The following CDKL3 variants were observed in gnomAD, a reference collection of about 807,000 sequenced individuals.
CDKL3 encodes the protein cyclin dependent kinase like 3.
Under a neutral mutation model 69.3 loss-of-function variants are expected in CDKL3, and 65 were observed. The observed-to-expected ratio is 0.94, with a 90% CI of 0.77 to 1.15. The LOEUF is 1.15. Ranked by LOEUF, CDKL3 falls within the 50% of genes most tolerant of loss-of-function variation. CDKL3 has a pLI of 0.00. For missense variants in CDKL3, 652 were observed against 689.2 expected (o/e 0.95, Z 0.61); for synonymous variants, 202 against 221.6 (o/e 0.91, Z 0.79).
At chr5:134,302,708 A>G in intron 11 of CDKL3, 21 bp from the exon 12 acceptor site, 1 of 1,300,568 alleles carries the variant, frequency 7.7e-7, no homozygotes, top group Non-Finnish European at 1.1e-6. Context: ...AATATACAAA[A>G]CAATGAAAAT....
chr5:134,296,241 C>T (rs941852215), downstream of CDKL3, among the ~76,000 whole-genome samples: 3 of 152,074 alleles, frequency 2.0e-5, no homozygotes, highest in Non-Finnish European at 2.9e-5. Context: ...CAAAAGACCA[C>T]CAAGATGGCT....
Position 134,366,968 on chromosome 5 carries a change from A to G in CDKL3, c.-22+9T>C, listed in dbSNP as rs1013705126. The G allele has an allele frequency of 4.0e-6, 4 of 989,740 alleles. No homozygotes were observed. The African/African-American group carries it at 7.0e-5, about 17-fold the overall frequency. The allele number at this position is 989,740 out of a possible 1,614,324, so 61.3% of individuals were successfully genotyped here. A position where few individuals can be genotyped will look rare whatever the true frequency, so the allele number is the denominator to read the frequency against. On this transcript the variant is annotated intron_variant, in intron 1 of 12. Transcript: ENST00000265334. ...CGCAACTCAAACCACACGTCTTAGG[A>G]TGCCGGACCGGCGTCACGCCCCACG... is the stretch of plus-strand genomic sequence containing the variant.
intron 7 of CDKL3, among the ~76,000 whole-genome samples, chr5:134,310,613 G>C (rs1452370686): frequency 6.6e-6 from 1 of 152,046 alleles, no homozygotes; most frequent in East Asian, 1.9e-4. Context: ...CCAGCCTCCT[G>C]AGTAGTTGGG....
chr5:134,304,827 TAATAA>T (rs1767315820), intron 10 of CDKL3, among the ~76,000 whole-genome samples: 1 of 147,328 alleles, frequency 6.8e-6, no homozygotes, highest in African/African-American at 2.5e-5. Context: ...ATAATAATAA[TAATAA>T]TATTATTATT....
intron 4 of CDKL3, among the ~76,000 whole-genome samples, chr5:134,338,373 GA>G (rs1220988931): frequency 6.6e-6 from 1 of 151,338 alleles, no homozygotes; most frequent in Admixed American, 6.6e-5. Flanking sequence ...CCACTAAAAA[GA>G]AAAAAAAGGA....
intron 4 of CDKL3, among the ~76,000 whole-genome samples, chr5:134,343,205 A>T (rs1750967116): frequency 6.6e-6 from 1 of 151,606 alleles, no homozygotes; most frequent in Non-Finnish European, 1.5e-5. Flanking sequence ...ATCTTGTCAA[A>T]AAAAAAAAAA....
At chr5:134,314,014 A>G (rs1457782576) in intron 6 of CDKL3, among the ~76,000 whole-genome samples, 1 of 152,042 alleles carries the variant, frequency 6.6e-6, no homozygotes, top group South Asian at 2.1e-4. Flanking sequence ...GTGTGGTGGC[A>G]CATGCCTGTA....
intron 12 of CDKL3, among the ~76,000 whole-genome samples, chr5:134,301,050 C>T (rs77870339): frequency 0.024 from 3,595 of 151,702 alleles, 91 homozygotes; most frequent in African/African-American, 0.062. Flanking sequence ...GGCTGGAGTG[C>T]AATGGTTTGA....
At chr5:134,366,705 AC>A (rs1371721688) in intron 1 of CDKL3, among the ~76,000 whole-genome samples, 161 bp from the exon 2 acceptor site, 55 of 151,978 alleles carry the variant, frequency 3.6e-4, no homozygotes, top group African/African-American at 1.3e-3. Context: ...GTCTTTGGGA[AC>A]TAAAGACAGC....
intron 8 of CDKL3, among the ~76,000 whole-genome samples, chr5:134,289,055 A>C (rs1765002698): frequency 6.6e-6 from 1 of 151,452 alleles, no homozygotes; most frequent in Non-Finnish European, 1.5e-5. Context: ...CCAACTATTC[A>C]GGAGGCTGAG....
downstream of CDKL3, among the ~76,000 whole-genome samples, chr5:134,284,061 G>T (rs1764743542): frequency 6.6e-6 from 1 of 152,122 alleles, no homozygotes; most frequent in East Asian, 1.9e-4. Context: ...CACCTCTATG[G>T]CTTTGCAGGG....
At chr5:134,290,081 C>A (rs555544317) in intron 8 of CDKL3, among the ~76,000 whole-genome samples, 2 of 152,030 alleles carry the variant, frequency 1.3e-5, no homozygotes, top group African/African-American at 2.4e-5. Flanking sequence ...CTTGGCCAGG[C>A]GCAGTGGCTC....
intron 6 of CDKL3, among the ~76,000 whole-genome samples, chr5:134,313,764 T>G (rs955265889): frequency 1.3e-5 from 2 of 151,720 alleles, no homozygotes; most frequent in African/African-American, 4.8e-5. Flanking sequence ...TTTACCAAAA[T>G]AAAAAACATT....
intron 6 of CDKL3, 44 bp from the exon 7 acceptor site, chr5:134,312,424 C>A: frequency 1.0e-6 from 1 of 983,946 alleles, no homozygotes; most frequent in Non-Finnish European, 1.5e-6. Flanking sequence ...CTCAACAGGG[C>A]TCCATATGGT....
intron 6 of CDKL3, 79 bp downstream of exon 6, chr5:134,319,279 G>A (rs1772083027): frequency 9.0e-6 from 10 of 1,112,952 alleles, no homozygotes; most frequent in East Asian, 6.2e-5. Flanking sequence ...GCAGTGAGCC[G>A]AGATCACTCC....
At chr5:134,371,268 A>G, upstream of CDKL3, 1 of 420,534 alleles carries the variant, frequency 2.4e-6, no homozygotes, top group Non-Finnish European at 4.3e-6. Context: ...TGAATCCACA[A>G]CCTCTAGTCT....
intron 4 of CDKL3, among the ~76,000 whole-genome samples, chr5:134,333,243 C>T (rs959494241): frequency 7.9e-5 from 12 of 152,184 alleles, no homozygotes; most frequent in Non-Finnish European, 1.8e-4. Flanking sequence ...TCTAAATATA[C>T]AATCATGTCA....
At position 134,360,109 on chromosome 5, in the gene CDKL3, A is replaced by G. The variant is rs1466864204; in HGVS notation, c.166-18T>C. The G allele has an allele frequency of 6.7e-7, 1 of 1,495,224 alleles. No individual in the cohort carries two copies. Among genetic ancestry groups the G allele is most frequent in the Non-Finnish European group, 9.0e-7 (1 of 1,116,394 alleles). The allele number at this position is 1,495,224 out of a possible 1,614,324, so 92.6% of individuals were successfully genotyped here. A position where few individuals can be genotyped will look rare whatever the true frequency, so the allele number is the denominator to read the frequency against. On this transcript the variant is annotated intron_variant, in intron 2 of 12. Coordinates refer to ENST00000265334, the MANE Select transcript of CDKL3 (RefSeq NM_001113575.2). ...TGAAATTGCTATTGACAAAAGAAAC[A>G]ACACAAATTTTTAATTATTTCAAGC...
chr5:134,307,139 G>C (rs1295551891), intron 9 of CDKL3, among the ~76,000 whole-genome samples: 1 of 152,116 alleles, frequency 6.6e-6, no homozygotes, highest in African/African-American at 2.4e-5. Flanking sequence ...AAATGCAATA[G>C]TGAGTCCTTA....
Sources: allele counts gnomAD v4.1 joint callset (sites outside exome capture counted in the v4.1 genomes callset), GRCh38; gene constraint gnomAD v4.1.1; transcripts MANE v1.5; gene names NCBI Gene and HGNC (gene_info 2026-07-23, HGNC 2026-07-21).